GPR39: variants seen among roughly 807,000 people sequenced by gnomAD.
The protein encoded by GPR39 is zinc sensing receptor.
Under a neutral mutation model 18.4 loss-of-function variants are expected in GPR39, and 23 were observed. The observed-to-expected ratio is 1.25, with a 90% CI of 0.90 to 1.77. GPR39 has a LOEUF of 1.77. GPR39 is among the 40% of genes most tolerant of loss of function. GPR39 has a pLI of 0.00. For missense variants in GPR39, 647 were observed against 602.4 expected, an observed-to-expected ratio of 1.07 and a Z score of -0.78; for synonymous variants, 280 against 257.9, an observed-to-expected ratio of 1.09 and a Z score of -0.82.
intron 1 of GPR39, among the ~76,000 whole-genome samples, chr2:132,421,864 A>T (rs1680016687): frequency 6.6e-6 from 1 of 152,018 alleles, no homozygotes; most frequent in South Asian, 2.1e-4. Context: ...GGGGAATGAG[A>T]TATTGACAGT....
At chr2:132,432,492 T>G (rs1424959463) in intron 1 of GPR39, among the ~76,000 whole-genome samples, 1 of 152,186 alleles carries the variant, frequency 6.6e-6, no homozygotes, top group Non-Finnish European at 1.5e-5. Context: ...TGCCTCCCTC[T>G]TCTGAGAATG....
At chr2:132,594,492 C>T (rs1276494934) in intron 1 of GPR39, among the ~76,000 whole-genome samples, 1 of 151,704 alleles carries the variant, frequency 6.6e-6, no homozygotes, top group African/African-American at 2.4e-5. Flanking sequence ...TTTCCTATCC[C>T]TCTGGGCGTA....
chr2:132,426,817 G>C (rs1454545821), intron 1 of GPR39, among the ~76,000 whole-genome samples: 1 of 152,108 alleles, frequency 6.6e-6, no homozygotes, highest in Admixed American at 6.6e-5. Context: ...GTACCTAACA[G>C]ACAGATCGGG....
intron 1 of GPR39, among the ~76,000 whole-genome samples, chr2:132,511,849 C>T (rs182857601): frequency 4.6e-5 from 7 of 152,148 alleles, no homozygotes; most frequent in Admixed American, 2.6e-4. Flanking sequence ...AAACTGAGAG[C>T]CAAAGTCCAA....
intron 1 of GPR39, among the ~76,000 whole-genome samples, chr2:132,564,552 C>T (rs1680312119): frequency 6.6e-6 from 1 of 152,118 alleles, no homozygotes; most frequent in African/African-American, 2.4e-5. Flanking sequence ...TCTGTTTTCT[C>T]ACCCCTTCCT....
At chr2:132,466,518 G>A (rs1423150321) in intron 1 of GPR39, among the ~76,000 whole-genome samples, 1 of 152,150 alleles carries the variant, frequency 6.6e-6, no homozygotes, top group Non-Finnish European at 1.5e-5. Flanking sequence ...ACTGAGTTCT[G>A]TGGTGTCTGT....
At chr2:132,492,137 C>A (rs1681476977) in intron 1 of GPR39, among the ~76,000 whole-genome samples, 1 of 145,438 alleles carries the variant, frequency 6.9e-6, no homozygotes, top group Admixed American at 7.0e-5. Flanking sequence ...TATATACATA[C>A]CATATATATA....
At chr2:132,508,666 A>C (rs1193072881) in intron 1 of GPR39, among the ~76,000 whole-genome samples, 1 of 152,212 alleles carries the variant, frequency 6.6e-6, no homozygotes, top group African/African-American at 2.4e-5. Context: ...TCTGTAAATC[A>C]GCTGCCGTTT....
At chr2:132,420,790 A>G (rs1679994586) in intron 1 of GPR39, among the ~76,000 whole-genome samples, 1 of 152,172 alleles carries the variant, frequency 6.6e-6, no homozygotes, top group African/African-American at 2.4e-5. Context: ...ATCTTTCACT[A>G]TTGTGCCTCA....
chr2:132,609,944 C>T (rs1195459744), intron 1 of GPR39, among the ~76,000 whole-genome samples: 1 of 152,022 alleles, frequency 6.6e-6, no homozygotes, highest in African/African-American at 2.4e-5. Flanking sequence ...AACCAAGTTT[C>T]CTAGTTCTGC....
At chr2:132,575,956 G>A (rs187932659) in intron 1 of GPR39, among the ~76,000 whole-genome samples, 4 of 152,196 alleles carry the variant, frequency 2.6e-5, no homozygotes, top group African/African-American at 4.8e-5. Context: ...TGAGGAAACC[G>A]CCAGAAGACG....
At chr2:132,435,009 T>C (rs1221401105) in intron 1 of GPR39, among the ~76,000 whole-genome samples, 1 of 152,082 alleles carries the variant, frequency 6.6e-6, no homozygotes, top group Non-Finnish European at 1.5e-5. Flanking sequence ...AAATGGACAA[T>C]ATTAGACAAT....
At chr2:132,475,943 G>C (rs773020088) in intron 1 of GPR39, among the ~76,000 whole-genome samples, 10 of 152,110 alleles carry the variant, frequency 6.6e-5, no homozygotes, top group Non-Finnish European at 1.2e-4. Flanking sequence ...CCAGTGTCTT[G>C]CACTTTACCT....
chr2:132,504,222 C>A (rs73001236), intron 1 of GPR39, among the ~76,000 whole-genome samples: 225 of 152,186 alleles, frequency 1.5e-3, no homozygotes, highest in African/African-American at 5.0e-3. Context: ...GCTAGTCTTT[C>A]TTCCTATCAT....
At chr2:132,608,540 C>T (rs1041026865) in intron 1 of GPR39, among the ~76,000 whole-genome samples, 2 of 152,210 alleles carry the variant, frequency 1.3e-5, no homozygotes, top group Non-Finnish European at 2.9e-5. Flanking sequence ...CAAAGCCCGG[C>T]CTGCTGAGTG....
rs371035597 is a variant in GPR39, at chr2:132,645,618, G to A, written c.*12G>A. 1 of 1,603,770 alleles carries A rather than the reference G, an allele frequency of 6.2e-7. No individual in the cohort carries two copies. Among genetic ancestry groups the A allele is most frequent in the Admixed American group, 1.7e-5 (1 of 58,764 alleles). ...AGCATGAAGTTTGAATGTCAAGCGAGGGAGCCTTGAGTGGGAACTGGCCCT... is the reference window on the plus strand; with the variant it reads ...AGCATGAAGTTTGAATGTCAAGCGAAGGAGCCTTGAGTGGGAACTGGCCCT... On this transcript the variant is annotated 3_prime_UTR_variant, in exon 2 of 2. Coordinates refer to ENST00000329321, the MANE Select transcript of GPR39 (RefSeq NM_001508.3).
chr2:132,540,551 G>A (rs747549396), intron 1 of GPR39, among the ~76,000 whole-genome samples: 9 of 152,146 alleles, frequency 5.9e-5, no homozygotes, highest in Admixed American at 2.6e-4. Context: ...GCTGGACCCC[G>A]GAGCATCACC....
intron 1 of GPR39, among the ~76,000 whole-genome samples, chr2:132,625,064 G>C (rs72844704): frequency 0.14 from 21,407 of 149,222 alleles, 1,734 homozygotes; most frequent in Middle Eastern, 0.23. Flanking sequence ...GGAGTTCTAG[G>C]TGCTCCAATT....
chr2:132,531,230 A>G (rs966992805), intron 1 of GPR39, among the ~76,000 whole-genome samples: 4 of 152,202 alleles, frequency 2.6e-5, no homozygotes, highest in Non-Finnish European at 5.9e-5. Flanking sequence ...CAGACTTTAA[A>G]CCAACAAAGA....
Sources: gnomAD v4.1 joint callset for allele counts (sites outside exome capture counted in the v4.1 genomes callset) on GRCh38, gnomAD v4.1.1 for gene constraint, MANE v1.5 for transcripts, NCBI Gene and HGNC (gene_info 2026-07-23, HGNC 2026-07-21) for gene names.